The following ARPC2 variants were observed in gnomAD, a reference collection of about 807,000 sequenced individuals.
ARPC2 encodes the protein actin-related protein 2/3 complex subunit 2.
Under a neutral mutation model 38.6 loss-of-function variants are expected in ARPC2, and 4 were observed. The observed-to-expected ratio is 0.10, with a 90% CI of 0.05 to 0.24. The LOEUF (loss-of-function observed/expected upper bound fraction) is 0.24, where lower values mean the gene tolerates loss of function less well. ARPC2 is among the 10% of genes least tolerant of loss of function. The pLI is 1.00. For missense variants in ARPC2, 229 were observed against 387.3 expected (o/e 0.59, Z 3.43); for synonymous variants, 125 against 140.8 (o/e 0.89, Z 0.79).
chr2:218,227,983 C>T (rs929388698), intron 3 of ARPC2, among the ~76,000 whole-genome samples: 1 of 152,118 alleles, frequency 6.6e-6, no homozygotes, highest in African/African-American at 2.4e-5. Context: ...AACAAATAGT[C>T]TTCTGTATCT....
rs550381788 is a variant in ARPC2, at chr2:218,251,265, G to C, written c.878+1344G>C. On this transcript the variant is annotated intron_variant, in intron 10 of 10. Transcript: ENST00000315717. The stretch of plus-strand genomic sequence containing the variant: ...TCGCTCTTGAAGCACAGGCTGGAGT[G>C]CAGAGGCACAATCTTAGTTCACTAC... Among the ~76,000 whole-genome samples the C allele has an allele frequency of 5.3e-5, 8 of 152,340 alleles. No individual in the cohort carries two copies. In the East Asian group the frequency reaches 1.3e-3, roughly 26 times the overall value.
At chr2:218,242,911 T>TC (rs1204948190) in intron 7 of ARPC2, among the ~76,000 whole-genome samples, 1 of 152,234 alleles carries the variant, frequency 6.6e-6, no homozygotes, top group Non-Finnish European at 1.5e-5. Flanking sequence ...AGTTTGTCAT[T>TC]GGACCGTGTT....
intron 2 of ARPC2, among the ~76,000 whole-genome samples, chr2:218,223,391 T>C (rs1055979047): frequency 2.0e-5 from 3 of 152,252 alleles, no homozygotes; most frequent in Non-Finnish European, 4.4e-5. Flanking sequence ...CTTATTTTAC[T>C]TAATAATGGC....
intron 2 of ARPC2, 53 bp downstream of exon 2, chr2:218,217,597 C>G (rs1355640391): frequency 6.5e-7 from 1 of 1,528,218 alleles, no homozygotes; most frequent in East Asian, 2.4e-5. Flanking sequence ...TTGACCCCAG[C>G]TAATCCCCAA....
At chr2:218,222,638 C>T (rs1689409303) in intron 2 of ARPC2, among the ~76,000 whole-genome samples, 2 of 152,044 alleles carry the variant, frequency 1.3e-5, no homozygotes, top group Admixed American at 6.6e-5. Flanking sequence ...AGGGAATTAC[C>T]GCAATCCTAA....
At chr2:218,225,640 A>G (rs1689478793) in intron 2 of ARPC2, among the ~76,000 whole-genome samples, 1 of 152,244 alleles carries the variant, frequency 6.6e-6, no homozygotes, top group Admixed American at 6.5e-5. Flanking sequence ...CAGAATTGAA[A>G]GTGAGCACCA....
At chr2:218,250,702 G>C (rs1335146824) in intron 10 of ARPC2, among the ~76,000 whole-genome samples, 1 of 151,996 alleles carries the variant, frequency 6.6e-6, no homozygotes, top group East Asian at 1.9e-4. Context: ...CCCTAAATAG[G>C]GGTGTGGCTC....
At chr2:218,249,653 A>T in intron 9 of ARPC2, 168 bp from the exon 10 acceptor site, 2 of 761,642 alleles carry the variant, frequency 2.6e-6, no homozygotes, top group South Asian at 1.9e-5. Flanking sequence ...TATAGCAGAG[A>T]TGAATATTTG....
At chr2:218,228,402 CAAA>C (rs879894821) in intron 3 of ARPC2, among the ~76,000 whole-genome samples, 1 of 138,006 alleles carries the variant, frequency 7.2e-6, no homozygotes, top group African/African-American at 2.7e-5. Flanking sequence ...GACTCTATCT[CAAA>C]AAAAAAAAAA....
chr2:218,249,885 G>A lies in ARPC2; in HGVS notation c.842G>A (p.Arg281His), dbSNP rs188696608. 63 of 1,613,514 alleles carry A rather than the reference G, an allele frequency of 3.9e-5. No individual in the cohort carries two copies. The highest frequency in any genetic ancestry group is 3.9e-4 in the African/African-American group (29 of 75,012). Residue 281 changes from arginine to histidine, a missense_variant, in exon 10 of 11, where the codon CGC becomes CAC. Around this residue, in one of 3 missense-constraint regions of ARPC2, gnomAD observed 92 missense variants for 152.3 expected, o/e 0.60. Transcript: ENST00000315717. ...SDFLKVLNRA[R>H]PDAEKKEMKT... is the part of the protein sequence containing the mutation. Reference sequence around the variant, plus strand: ...TTCCTCAAGGTGCTGAACCGCGCACGCCCAGATGCCGAGAAAAAAGAAATG... The same window carrying A: ...TTCCTCAAGGTGCTGAACCGCGCACACCCAGATGCCGAGAAAAAAGAAATG...
chr2:218,239,821 G>C (rs1466551540), intron 7 of ARPC2, among the ~76,000 whole-genome samples: 1 of 151,918 alleles, frequency 6.6e-6, no homozygotes, highest in Non-Finnish European at 1.5e-5. Context: ...TCAAACTGCC[G>C]ACCTCAGGTG....
intron 4 of ARPC2, among the ~76,000 whole-genome samples, chr2:218,231,948 TA>T (rs1689643453): frequency 6.6e-6 from 1 of 151,784 alleles, no homozygotes; most frequent in Non-Finnish European, 1.5e-5. Flanking sequence ...TGTATATAAA[TA>T]AATAAGTAGG....
At chr2:218,238,071 G>A (rs767904972) in intron 5 of ARPC2, among the ~76,000 whole-genome samples, 1 of 152,188 alleles carries the variant, frequency 6.6e-6, no homozygotes, top group African/African-American at 2.4e-5. Context: ...GAAGTAAAAT[G>A]TTTTAAAAAT....
intron 7 of ARPC2, among the ~76,000 whole-genome samples, chr2:218,241,547 C>G (rs551513495): frequency 6.6e-6 from 1 of 152,304 alleles, no homozygotes; most frequent in East Asian, 1.9e-4. Flanking sequence ...TTTAAAAGCT[C>G]TGAAGTATAT....
intron 3 of ARPC2, among the ~76,000 whole-genome samples, chr2:218,228,414 A>AT (rs1689555568): frequency 6.6e-6 from 1 of 152,172 alleles, no homozygotes; most frequent in South Asian, 2.1e-4. Flanking sequence ...AAAAAAAAAA[A>AT]ATCGTTGAAG....
intron 6 of ARPC2, 122 bp from the exon 7 acceptor site, chr2:218,239,269 C>A: frequency 1.5e-6 from 1 of 686,516 alleles, no homozygotes; most frequent in South Asian, 2.0e-5. Context: ...TCATTTGGCA[C>A]ACCTTTATAT....
chr2:218,222,936 A>G (rs1689417500), intron 2 of ARPC2, among the ~76,000 whole-genome samples: 1 of 152,174 alleles, frequency 6.6e-6, no homozygotes, highest in African/African-American at 2.4e-5. Context: ...GGCACACAGA[A>G]CATGATTGTA....
chr2:218,226,194 G>A (rs1320354674), intron 3 of ARPC2, among the ~76,000 whole-genome samples: 2 of 152,022 alleles, frequency 1.3e-5, no homozygotes, highest in Admixed American at 1.3e-4. Context: ...TCGGAAGGCT[G>A]AGGCAGGAGA....
At chr2:218,220,761 A>G (rs1267798111) in intron 2 of ARPC2, among the ~76,000 whole-genome samples, 1 of 151,972 alleles carries the variant, frequency 6.6e-6, no homozygotes, top group African/African-American at 2.4e-5. Flanking sequence ...TTTAATTTGG[A>G]GGCAGTTTGA....
Sources: gnomAD v4.1 joint callset for allele counts (sites outside exome capture counted in the v4.1 genomes callset) on GRCh38, gnomAD v4.1.1 for gene constraint, gnomAD v4.1.1 regional missense constraint, MANE v1.5 for transcripts, NCBI Gene and HGNC (gene_info 2026-07-23, HGNC 2026-07-21) for gene names.